NR2C1: variants seen among roughly 807,000 people sequenced by gnomAD.
NR2C1 encodes the protein nuclear receptor subfamily 2 group C member 1, also known as TR2 nuclear hormone receptor.
A neutral mutation model predicts 74.8 loss-of-function variants in NR2C1; 33 were observed. The observed-to-expected ratio is 0.44, with a 90% CI of 0.33 to 0.59. The LOEUF (loss-of-function observed/expected upper bound fraction) is 0.59, where lower values mean the gene tolerates loss of function less well. Among genes scored for constraint, NR2C1 ranks in the 20% least tolerant of loss-of-function variants. NR2C1 has a pLI of 0.02. For synonymous variants in NR2C1, 225 were observed against 240.6 expected, an observed-to-expected ratio of 0.94 and a Z score of 0.60; for missense variants, 568 against 715.6, an observed-to-expected ratio of 0.79 and a Z score of 2.35.
chr12:95,064,752 T>A (rs1335632012), intron 2 of NR2C1, among the ~76,000 whole-genome samples: 1 of 152,224 alleles, frequency 6.6e-6, no homozygotes, highest in Non-Finnish European at 1.5e-5. Flanking sequence ...CCAATTAAAT[T>A]CCTTGATTCA....
chr12:95,052,406 G>A (rs967207972), intron 7 of NR2C1, among the ~76,000 whole-genome samples: 11 of 152,054 alleles, frequency 7.2e-5, no homozygotes, highest in African/African-American at 1.2e-4. Context: ...TGCCTGCCTC[G>A]GCCTCCCAAA....
chr12:95,073,321 G>A (rs1877027917), intron 1 of NR2C1, 59 bp downstream of exon 1: 2 of 152,144 alleles, frequency 1.3e-5, no homozygotes, highest in Non-Finnish European at 2.9e-5. Context: ...GGGGTGAAGG[G>A]CACCCCCTGG....
At chr12:95,031,791 TAAAA>T (rs1870142052) in intron 10 of NR2C1, among the ~76,000 whole-genome samples, 1 of 152,206 alleles carries the variant, frequency 6.6e-6, no homozygotes, top group Non-Finnish European at 1.5e-5. Context: ...AGATTGTTCT[TAAAA>T]GCAAAAGCAT....
At chr12:95,035,012 T>C (rs1164870199) in intron 10 of NR2C1, among the ~76,000 whole-genome samples, 1 of 152,126 alleles carries the variant, frequency 6.6e-6, no homozygotes, top group East Asian at 1.9e-4. Flanking sequence ...TAGCACTGGA[T>C]ATAATAACAA....
chr12:95,047,475 T>C (rs1255459892), intron 9 of NR2C1, among the ~76,000 whole-genome samples: 1 of 152,194 alleles, frequency 6.6e-6, no homozygotes, highest in African/African-American at 2.4e-5. Context: ...ATTACACTAT[T>C]TTAAGCCACT....
At chr12:95,039,716 C>T (rs543673756) in intron 10 of NR2C1, among the ~76,000 whole-genome samples, 5 of 152,320 alleles carry the variant, frequency 3.3e-5, no homozygotes, top group Non-Finnish European at 5.9e-5. Flanking sequence ...ATTTCAGCCT[C>T]GAACTTCTGG....
chr12:95,050,040 A>G (rs1233434633), intron 8 of NR2C1, among the ~76,000 whole-genome samples: 1 of 152,106 alleles, frequency 6.6e-6, no homozygotes, highest in East Asian at 1.9e-4. Flanking sequence ...GACTCAAGCA[A>G]TCCTGCCACC....
intron 11 of NR2C1, among the ~76,000 whole-genome samples, chr12:95,029,794 T>C (rs1869833967): frequency 6.6e-6 from 1 of 152,094 alleles, no homozygotes; most frequent in Non-Finnish European, 1.5e-5. Context: ...CCTGACCTCA[T>C]GATCCACCCG....
chr12:95,052,341 A>G (rs2136159233), intron 7 of NR2C1, among the ~76,000 whole-genome samples: 1 of 151,876 alleles, frequency 6.6e-6, no homozygotes, highest in Admixed American at 6.5e-5. Flanking sequence ...ATTTTAGCTG[A>G]GACAGGGTTT....
chr12:95,029,722 A>G (rs1226071328), intron 11 of NR2C1, among the ~76,000 whole-genome samples: 2 of 151,106 alleles, frequency 1.3e-5, no homozygotes, highest in Non-Finnish European at 3.0e-5. Flanking sequence ...ACGCCTGGCT[A>G]ATTTTTTTGT....
Position 95,057,744 on chromosome 12 carries a change from T to C in NR2C1, c.679A>G (p.Ser227Gly), listed in dbSNP as rs765545391. 1.2e-6 allele frequency: 2 copies of C among 1,614,040 alleles called. No homozygotes were observed. Among genetic ancestry groups the C allele is most frequent in the Admixed American group, 1.7e-5 (1 of 59,990 alleles). ...GTTTTACTTTACCTTGTACTTTCAC[T>C]ATCTGTTACAAAAGTTGGAGTTGCA... ...LTATPTFVTD[S>G]ESTRSTGLLD... Residue 227 changes from serine to glycine, a missense_variant, in exon 6 of 14, where the codon AGT becomes GGT. This residue lies in a region of NR2C1 where 239 missense variants were observed against 232.3 expected (regional missense o/e 1.03). Transcript: ENST00000333003.
At chr12:95,070,706 C>A (rs1791566339) in intron 1 of NR2C1, among the ~76,000 whole-genome samples, 1 of 152,192 alleles carries the variant, frequency 6.6e-6, no homozygotes, top group South Asian at 2.1e-4. Flanking sequence ...CCTTGGTATT[C>A]ATTCAATATT....
rs986198190 is a variant in NR2C1 at position 95,057,492 on chromosome 12, T to C, written c.783+61A>G. The C allele has an allele frequency of 2.6e-5, 31 of 1,205,490 alleles. No individual in the cohort carries two copies. In the South Asian group the frequency reaches 4.5e-4, roughly 18 times the overall value. The allele number at this position is 1,205,490 out of a possible 1,614,324, so 74.7% of individuals were successfully genotyped here. On this transcript the variant is annotated intron_variant, in intron 7 of 13. Transcript: ENST00000333003. ...AAGCAATTTACCAAAGCAAAGGAAGTGATTAGAAAACATTTTAAAATGCTT... is the reference window on the plus strand; with the variant it reads ...AAGCAATTTACCAAAGCAAAGGAAGCGATTAGAAAACATTTTAAAATGCTT...
chr12:95,030,971 T>C lies in NR2C1; in HGVS notation c.1393+378A>G, dbSNP rs1870023028. The stretch of plus-strand genomic sequence containing the variant: ...CTGATGAATTGATACAAAATCAACC[T>C]ATCTTAGGATTCAAAGGGCTATAAT... On this transcript the variant is annotated intron_variant, in intron 11 of 13. Coordinates refer to ENST00000333003, the MANE Select transcript of NR2C1 (RefSeq NM_003297.4). 5 of 970,066 alleles carry C rather than the reference T, an allele frequency of 5.2e-6. No homozygotes were observed. The South Asian group carries it at 5.9e-5, about 11-fold the overall frequency. The allele number at this position is 970,066 out of a possible 1,614,324, so 60.1% of individuals were successfully genotyped here.
chr12:95,067,578 T>A (rs945235231), intron 1 of NR2C1, among the ~76,000 whole-genome samples, 187 bp from the exon 2 acceptor site: 16 of 151,582 alleles, frequency 1.1e-4, no homozygotes, highest in Non-Finnish European at 1.5e-4. Flanking sequence ...CTTTTTTATT[T>A]TTTTTTTTTT....
intron 9 of NR2C1, among the ~76,000 whole-genome samples, chr12:95,041,183 C>T (rs1871476565): frequency 2.0e-5 from 3 of 152,116 alleles, no homozygotes; most frequent in Admixed American, 2.0e-4. Flanking sequence ...TGTGTGAAAC[C>T]TCCCTATTTA....
Position 95,058,334 on chromosome 12 carries a change from T to C in NR2C1, c.520A>G (p.Ile174Val), listed in dbSNP as rs1874222667. The C allele has an allele frequency of 6.2e-7, 1 of 1,612,754 alleles. No homozygotes were observed. Reference sequence around the variant, plus strand: ...CAGTCTTGCTTCATTCCAAACGCAATACATCTCTGTAACCTGCAGTATTGA... The same window carrying C: ...CAGTCTTGCTTCATTCCAAACGCAACACATCTCTGTAACCTGCAGTATTGA... ...RCQYCRLQRCIAFGMKQDSVQ... is the reference protein window; with the variant it reads ...RCQYCRLQRCVAFGMKQDSVQ... Residue 174 changes from isoleucine to valine, a missense_variant, in exon 5 of 14, where the codon ATT (isoleucine) becomes GTT (valine). Physicochemically the swap from Ile to Val is conservative, Grantham distance 29. This residue lies in a region of NR2C1 where 44 missense variants were observed against 95.6 expected (regional missense o/e 0.46). Transcript: ENST00000333003.
intron 9 of NR2C1, among the ~76,000 whole-genome samples, chr12:95,044,712 G>A (rs1872088377): frequency 6.6e-6 from 1 of 152,012 alleles, no homozygotes; most frequent in African/African-American, 2.4e-5. Flanking sequence ...AACCTCGTCT[G>A]TATTTAAAAA....
chr12:95,072,203 T>A (rs971229326), intron 1 of NR2C1, among the ~76,000 whole-genome samples: 3 of 143,372 alleles, frequency 2.1e-5, no homozygotes, highest in Non-Finnish European at 4.6e-5. Context: ...CAGAGGCGGG[T>A]ACATCACGAG....
Sources: gnomAD v4.1 joint callset for allele counts (sites outside exome capture counted in the v4.1 genomes callset) on GRCh38, gnomAD v4.1.1 for gene constraint, gnomAD v4.1.1 regional missense constraint, MANE v1.5 for transcripts, NCBI Gene and HGNC (gene_info 2026-07-23, HGNC 2026-07-21) for gene names.